KIAA1217: variants seen among roughly 807,000 people sequenced by gnomAD.
KIAA1217 encodes the protein KIAA1217.
In KIAA1217, 88 loss-of-function variants were observed where a neutral mutation model predicts 163.9. The ratio of observed to expected loss-of-function variants is 0.54; its 90% confidence interval spans 0.45 to 0.64. The LOEUF (loss-of-function observed/expected upper bound fraction) is 0.64, where lower values mean the gene tolerates loss of function less well. Among genes scored for constraint, KIAA1217 ranks in the 30% least tolerant of loss-of-function variants. The pLI, the probability that KIAA1217 is intolerant of heterozygous loss-of-function variation, is 0.00. For synonymous variants in KIAA1217, 903 were observed against 923.1 expected (o/e 0.98, Z 0.39); for missense variants, 2,372 against 2,475.0 (o/e 0.96, Z 0.88).
At chr10:24,139,199 C>T (rs2063953391) in intron 2 of KIAA1217, among the ~76,000 whole-genome samples, 1 of 151,978 alleles carries the variant, frequency 6.6e-6, no homozygotes, top group African/African-American at 2.4e-5. Flanking sequence ...TTAATATTTA[C>T]TTCTACTTCC....
chr10:23,955,803 T>C (rs1234011215), intron 1 of KIAA1217, among the ~76,000 whole-genome samples: 1 of 152,200 alleles, frequency 6.6e-6, no homozygotes, highest in African/African-American at 2.4e-5. Flanking sequence ...TTGAGCCAAG[T>C]TGTTAAGAAT....
intron 3 of KIAA1217, among the ~76,000 whole-genome samples, chr10:24,389,340 G>GA (rs1341141548): frequency 6.6e-6 from 1 of 151,632 alleles, no homozygotes; most frequent in East Asian, 2.0e-4. Flanking sequence ...TCATAGGTGG[G>GA]AATTGAACAA....
rs549467574 is a variant in KIAA1217 at position 23,746,455 on chromosome 10, G to A, written c.-321+51221G>A. The stretch of plus-strand genomic sequence containing the variant: ...TTTTATTTTTTCGAGACAGAGTCTT[G>A]CTCTGTCACCCAGGCTGGAGTGCAG... On this transcript the variant is annotated intron_variant, in intron 1 of 18. Transcript: ENST00000376462. 2.0e-4 allele frequency among the ~76,000 whole-genome samples: 31 copies of A among 152,014 alleles called. No individual in the cohort carries two copies. In the South Asian group the frequency reaches 6.5e-3, roughly 32 times the overall value.
In KIAA1217 at chr10:23,824,643, AAAAAAAAT is replaced by A. The variant is rs1424902801; in HGVS notation, c.-321+129417_-321+129424del. On this transcript the variant is annotated intron_variant, in intron 1 of 18. Coordinates refer to the KIAA1217 transcript ENST00000376462. ...AACTCTGTCTCAAGAAAAAAAAAAAAAAAAAAATAAAAAAAATATATATATATATATAT... is the reference window on the plus strand; with the variant it reads ...AACTCTGTCTCAAGAAAAAAAAAAAAAAAAAAAATATATATATATATATAT... 2.3e-3 allele frequency among the ~76,000 whole-genome samples: 211 copies of A among 92,970 alleles called. 2 individuals are homozygous for A. The highest frequency in any genetic ancestry group is 9.8e-3 in the African/African-American group (192 of 19,532). The allele number at this position is 92,970 out of a possible 152,430, so 61.0% of individuals were successfully genotyped here.
At chr10:24,252,362 G>C (rs1437035741) in intron 2 of KIAA1217, among the ~76,000 whole-genome samples, 1 of 152,104 alleles carries the variant, frequency 6.6e-6, no homozygotes, top group Non-Finnish European at 1.5e-5. Flanking sequence ...AGGATTGTTT[G>C]AGCCCAGGAG....
intron 2 of KIAA1217, among the ~76,000 whole-genome samples, chr10:24,088,542 G>A (rs1415170306): frequency 1.8e-5 from 2 of 113,128 alleles, no homozygotes; most frequent in East Asian, 2.1e-4. Flanking sequence ...GAGAACATGC[G>A]GTGTTTGGTT....
rs1230895367 is a variant in KIAA1217, at chr10:24,219,868, G to A, written c.313G>A (p.Ala105Thr). 21 of 1,611,688 alleles carry A rather than the reference G, an allele frequency of 1.3e-5. No individual in the cohort carries two copies. Among genetic ancestry groups the A allele is most frequent in the East Asian group, 2.2e-5 (1 of 44,864 alleles). The change falls in exon 2 of 21, where the codon GCC (alanine) becomes ACC (threonine). Residue 105 changes from alanine (A) to threonine (T), a missense_variant. Around this residue, in one of 3 missense-constraint regions of KIAA1217, gnomAD observed 1,431 missense variants for 1,470.3 expected, o/e 0.97. Transcript: ENST00000376454. ...EHLKQKYPHH[A>T]SAIMGHQERL... Reference sequence around the variant, plus strand: ...TCTGAAGCAGAAGTACCCCCACCACGCCTCTGCAATCATGGGTCACCAAGA... The same window carrying A: ...TCTGAAGCAGAAGTACCCCCACCACACCTCTGCAATCATGGGTCACCAAGA...
chr10:23,835,128 G>A (rs1838385989), intron 1 of KIAA1217, among the ~76,000 whole-genome samples: 1 of 152,032 alleles, frequency 6.6e-6, no homozygotes, highest in African/African-American at 2.4e-5. Flanking sequence ...TGAGGGCCAG[G>A]TTCTGAGTTA....
chr10:24,080,815 TAAG>T (rs2061513958), intron 2 of KIAA1217, among the ~76,000 whole-genome samples: 2 of 152,208 alleles, frequency 1.3e-5, no homozygotes, highest in Admixed American at 1.3e-4. Context: ...AATAGTTTAG[TAAG>T]TGTTTTTTCA....
chr10:24,052,961 A>T (rs547369867), intron 2 of KIAA1217, among the ~76,000 whole-genome samples: 1 of 152,264 alleles, frequency 6.6e-6, no homozygotes, highest in South Asian at 2.1e-4. Flanking sequence ...GCATCTGAGA[A>T]TTTGGAAATC....
At chr10:23,852,372 A>G (rs950454673) in intron 1 of KIAA1217, among the ~76,000 whole-genome samples, 2 of 152,134 alleles carry the variant, frequency 1.3e-5, no homozygotes, top group African/African-American at 2.4e-5. Flanking sequence ...CCATTGATCT[A>G]TATCTCTGTT....
At chr10:24,271,516 C>T (rs952180803) in intron 2 of KIAA1217, among the ~76,000 whole-genome samples, 3 of 152,112 alleles carry the variant, frequency 2.0e-5, no homozygotes, top group Non-Finnish European at 2.9e-5. Flanking sequence ...TTTGGGAGGC[C>T]GAGGTGGGTA....
chr10:24,483,455 G>A (rs1394734876), intron 6 of KIAA1217, among the ~76,000 whole-genome samples: 3 of 152,146 alleles, frequency 2.0e-5, no homozygotes, highest in Non-Finnish European at 2.9e-5. Context: ...ACTCGCCGTG[G>A]CCCCCCTCAC....
At chr10:23,847,974 A>G (rs1485681779) in intron 1 of KIAA1217, among the ~76,000 whole-genome samples, 3 of 152,040 alleles carry the variant, frequency 2.0e-5, no homozygotes, top group Non-Finnish European at 4.4e-5. Flanking sequence ...TTCGTTATGT[A>G]CCCAGTGGTC....
chr10:24,024,818 A>G (rs10828586), intron 2 of KIAA1217, among the ~76,000 whole-genome samples: 39,795 of 151,542 alleles, frequency 0.26, 5,637 homozygotes, highest in East Asian at 0.38. Flanking sequence ...GTGCTTATTT[A>G]CAATCTGTAA....
At chr10:24,067,337 CTGTT>C (rs2060992996) in intron 2 of KIAA1217, among the ~76,000 whole-genome samples, 1 of 152,138 alleles carries the variant, frequency 6.6e-6, no homozygotes, top group African/African-American at 2.4e-5. Flanking sequence ...GATGTCCTTT[CTGTT>C]TGTTAGTTTT....
chr10:24,536,398 G>C (rs1368985462), intron 16 of KIAA1217, among the ~76,000 whole-genome samples: 1 of 152,136 alleles, frequency 6.6e-6, no homozygotes, highest in African/African-American at 2.4e-5. Flanking sequence ...CATAAAAAAA[G>C]AGGAATAAAA....
At chr10:24,447,471 G>T (rs966512556) in intron 5 of KIAA1217, among the ~76,000 whole-genome samples, 14 of 152,038 alleles carry the variant, frequency 9.2e-5, no homozygotes, top group Admixed American at 2.0e-4. Flanking sequence ...CCACCTATGA[G>T]TGAGAACATG....
intron 1 of KIAA1217, among the ~76,000 whole-genome samples, chr10:23,712,957 G>T (rs1379465392): frequency 6.6e-6 from 1 of 152,110 alleles, no homozygotes; most frequent in Admixed American, 6.6e-5. Flanking sequence ...GCAGCCAAGG[G>T]GGTGGAGTTG....
Sources: allele counts gnomAD v4.1 joint callset (sites outside exome capture counted in the v4.1 genomes callset), GRCh38; gene constraint gnomAD v4.1.1; regional missense constraint gnomAD v4.1.1; transcripts MANE v1.5; gene names NCBI Gene and HGNC (gene_info 2026-07-23, HGNC 2026-07-21).